Variants in SDK2 observed in about 807,000 individuals in gnomAD.
SDK2 encodes the protein sidekick cell adhesion molecule 2.
Under a neutral mutation model 253.9 loss-of-function variants are expected in SDK2, and 105 were observed. The observed-to-expected ratio is 0.41, with a 90% CI of 0.35 to 0.49. SDK2 has a LOEUF of 0.49. Among genes scored for constraint, SDK2 ranks in the 20% least tolerant of loss-of-function variants. SDK2 has a pLI of 0.06. For missense variants in SDK2, 2,608 were observed against 3,003.0 expected, an observed-to-expected ratio of 0.87 and a Z score of 3.07; for synonymous variants, 1,249 against 1,234.9, an observed-to-expected ratio of 1.01 and a Z score of -0.24.
rs2062851765 is a variant in SDK2, at chr17:73,383,912, T to C, written c.4669A>G (p.Ile1557Val). 1 of 1,613,952 alleles carries C rather than the reference T, an allele frequency of 6.2e-7. No individual in the cohort carries two copies. The highest frequency in any genetic ancestry group is 8.5e-7 in the Non-Finnish European group (1 of 1,179,886). Residue 1557 changes from isoleucine (I) to valine (V), a missense_variant, in exon 33 of 45, where the codon ATC becomes GTC. By Grantham distance (29) the Ile-to-Val change is conservative. Around this residue, in one of 2 missense-constraint regions of SDK2, gnomAD observed 1,103 missense variants for 1,143.9 expected, o/e 0.96. Coordinates refer to ENST00000392650, the MANE Select transcript of SDK2 (RefSeq NM_001144952.2). This position sits in a 1 kb window ranked among gnomAD's most constrained non-coding sequence, Gnocchi z 4.3. ...EGLRGFTLRG[I>V]NNPGATWAEL... ...GCCCATGTGGCCCCTGGGTTGTTGA[T>C]GCCTCGAAGCGTGAAGCCCCTCAGT...
At chr17:73,611,968 A>G (rs1424533367) in intron 1 of SDK2, among the ~76,000 whole-genome samples, 3 of 152,174 alleles carry the variant, frequency 2.0e-5, no homozygotes, top group Non-Finnish European at 4.4e-5. Flanking sequence ...TGATGGTCAC[A>G]GAGACTGTAA....
At chr17:73,421,440 A>G (rs1175528356) in intron 15 of SDK2, among the ~76,000 whole-genome samples, 1 of 152,160 alleles carries the variant, frequency 6.6e-6, no homozygotes, top group East Asian at 1.9e-4. Context: ...GACCTCTCCC[A>G]TGACATCTTT....
rs139053976 is a variant in SDK2, at chr17:73,379,981, C to T, written c.4763-432G>A. Among the ~76,000 whole-genome samples, 1 of 152,136 alleles carries T rather than the reference C, an allele frequency of 6.6e-6. No homozygotes were observed. The highest frequency in any genetic ancestry group is 1.9e-4 in the East Asian group (1 of 5,154). On this transcript the variant is annotated intron_variant, in intron 34 of 44. Transcript: ENST00000392650. The surrounding 1 kb of genome is among the most constrained non-coding windows in gnomAD (Gnocchi z 4.5). Reference sequence around the variant, plus strand: ...CTCTTTACACAGCGGGGCTCAGCTCCAGGGGGGAGGGGCGCATTGGATGTG... The same window carrying T: ...CTCTTTACACAGCGGGGCTCAGCTCTAGGGGGGAGGGGCGCATTGGATGTG...
chr17:73,504,502 G>T (rs1441221534), intron 2 of SDK2: 1 of 151,536 alleles, frequency 6.6e-6, no homozygotes, highest in Non-Finnish European at 1.5e-5. Context: ...CATGGTGTCG[G>T]GCGCCTGTAG....
intron 1 of SDK2, among the ~76,000 whole-genome samples, chr17:73,576,749 T>C (rs1038737072): frequency 6.6e-6 from 1 of 152,220 alleles, no homozygotes; most frequent in Non-Finnish European, 1.5e-5. Flanking sequence ...CCAGTAGGAC[T>C]TGGCCAAGCT....
rs754491697 is a variant in SDK2, at chr17:73,338,624, G to C, written c.6482C>G (p.Ser2161Cys). 6.5e-7 allele frequency: 1 copy of C among 1,530,772 alleles called. No homozygotes were observed. Among genetic ancestry groups the C allele is most frequent in the African/African-American group, 1.4e-5 (1 of 72,044 alleles). The allele number at this position is 1,530,772 out of a possible 1,614,324, so 94.8% of individuals were successfully genotyped here. Residue 2161 changes from serine to cysteine, a missense_variant, in exon 45 of 45, where the codon TCC (serine) becomes TGC (cysteine). By Grantham distance (112) the Ser-to-Cys change is moderately radical (BLOSUM62 -1). This residue lies in a region of SDK2 where 1,103 missense variants were observed against 1,143.9 expected (regional missense o/e 0.96). Coordinates refer to ENST00000392650, the MANE Select transcript of SDK2 (RefSeq NM_001144952.2). The surrounding 1 kb of genome is among the most constrained non-coding windows in gnomAD (Gnocchi z 5.0). ...YRPPSSLAPG[S>C]RAPIAGFSSF... ...TGAAAATCCTGCTATGGGAGCCCGG[G>C]AGCCTGGGGCCAGGCTGCTGGGGGG...
chr17:73,425,297 AAAAAG>A (rs1487032432), intron 12 of SDK2, among the ~76,000 whole-genome samples: 1 of 152,198 alleles, frequency 6.6e-6, no homozygotes, highest in African/African-American at 2.4e-5. Context: ...AGAAAAATAA[AAAAAG>A]AAAGGAAAAG....
intron 4 of SDK2, among the ~76,000 whole-genome samples, chr17:73,451,769 C>T (rs540864679): frequency 6.6e-6 from 1 of 152,158 alleles, no homozygotes; most frequent in South Asian, 2.1e-4. Context: ...ATGTCCATCT[C>T]GTTGATAGAC....
chr17:73,398,806 T>C (rs957887279), intron 22 of SDK2, among the ~76,000 whole-genome samples: 6 of 152,102 alleles, frequency 3.9e-5, no homozygotes, highest in Admixed American at 6.5e-5. Context: ...GCCCCTCAAA[T>C]CAGCTAAATC....
At chr17:73,585,964 T>C (rs1333335614) in intron 1 of SDK2, among the ~76,000 whole-genome samples, 3 of 152,004 alleles carry the variant, frequency 2.0e-5, no homozygotes, top group Non-Finnish European at 2.9e-5. Context: ...GAAATATATA[T>C]ATAGGATGTA....
chr17:73,546,445 CAGG>C (rs2145829937), intron 1 of SDK2, among the ~76,000 whole-genome samples: 1 of 152,344 alleles, frequency 6.6e-6, no homozygotes, highest in Non-Finnish European at 1.5e-5. Flanking sequence ...GCAGAGAAAG[CAGG>C]AGAATGTGGA....
At chr17:73,493,376 A>C in intron 2 of SDK2, among the ~76,000 whole-genome samples, 1 of 152,214 alleles carries the variant, frequency 6.6e-6, no homozygotes, top group Non-Finnish European at 1.5e-5. Flanking sequence ...TGTGCGGCAC[A>C]TTGGAGAGTC....
intron 2 of SDK2, among the ~76,000 whole-genome samples, chr17:73,501,384 G>A (rs1173694211): frequency 1.3e-5 from 2 of 152,208 alleles, no homozygotes; most frequent in Non-Finnish European, 2.9e-5. Context: ...GGGAAGCTGC[G>A]TGCCTGTTCC....
chr17:73,643,957 T>TGCCCCCCCCCCCCCCC lies in SDK2; in HGVS notation c.64+67_64+68insGGGGGGGGGGGGGGGC. On this transcript the variant is annotated intron_variant, in intron 1 of 44. Transcript: ENST00000392650. This position sits in a 1 kb window ranked among gnomAD's most constrained non-coding sequence, Gnocchi z 6.9. ...GGAGGTCACCGTGAGGCCGGCCAGC[T>TGCCCCCCCCCCCCCCC]CCCGCCGCCCCTCCCCCGCCCACTC... is the stretch of plus-strand genomic sequence containing the variant. 3.9e-6 allele frequency: 4 copies of TGCCCCCCCCCCCCCCC among 1,019,980 alleles called. No homozygotes were observed. The highest frequency in any genetic ancestry group is 4.1e-5 in the Admixed American group (2 of 48,756). 63.2% of individuals were successfully genotyped at this position (1,019,980 alleles called of 1,614,324 possible).
intron 2 of SDK2, among the ~76,000 whole-genome samples, chr17:73,498,524 T>C (rs2063861471): frequency 6.6e-6 from 1 of 152,316 alleles, no homozygotes; most frequent in African/African-American, 2.4e-5. Context: ...AGTCCTTGCC[T>C]GATGAATGAA....
rs139580205 is a variant in SDK2 at position 73,423,979 on chromosome 17, G to A, written c.1697C>T (p.Thr566Met). Residue 566 changes from threonine (T) to methionine (M), a missense_variant, in exon 13 of 45, where the codon ACG (threonine) becomes ATG (methionine). Around this residue, in one of 2 missense-constraint regions of SDK2, gnomAD observed 1,505 missense variants for 1,859.1 expected, o/e 0.81. Transcript: ENST00000392650. The part of the protein sequence containing the change: ...ISQTWSGDIG[T>M]YTCRVISAGG... ...TGCTGAGATCACCCGGCAGGTGTAC[G>A]TGCCGATGTCTCCCGACCACGTCTG... 12 of 1,608,568 alleles carry A rather than the reference G, an allele frequency of 7.5e-6. No homozygotes were observed. Among genetic ancestry groups the A allele is most frequent in the South Asian group, 5.6e-5 (5 of 89,940 alleles).
chr17:73,644,337 G>C lies in SDK2; in HGVS notation c.-249C>G, dbSNP rs2046437016. Among the ~76,000 whole-genome samples, 1 of 152,174 alleles carries C rather than the reference G, an allele frequency of 6.6e-6. No individual in the cohort carries two copies. Among genetic ancestry groups the C allele is most frequent in the African/African-American group, 2.4e-5 (1 of 41,460 alleles). ...GGGCGAGCAGGGAGAAAGAGGCCAG[G>C]CCGCCCTCTCGGACTAGGGCGCCTC... On this transcript the variant is annotated 5_prime_UTR_variant, in exon 1 of 45. Transcript: ENST00000392650. The surrounding 1 kb of genome is among the most constrained non-coding windows in gnomAD (Gnocchi z 6.3).
chr17:73,438,308 G>C (rs555704320), intron 6 of SDK2, among the ~76,000 whole-genome samples, 154 bp from the exon 7 acceptor site: 1 of 152,306 alleles, frequency 6.6e-6, no homozygotes, highest in African/African-American at 2.4e-5. Context: ...TCTTGGGCAA[G>C]TTCCCACAGG....
intron 1 of SDK2, among the ~76,000 whole-genome samples, chr17:73,627,893 CA>C (rs372131098): frequency 1.3e-5 from 2 of 151,096 alleles, no homozygotes; most frequent in African/African-American, 2.4e-5. Flanking sequence ...ACTACAAATA[CA>C]AAAAAAAATT....
Sources: gnomAD v4.1 joint callset for allele counts (sites outside exome capture counted in the v4.1 genomes callset) on GRCh38, gnomAD v4.1.1 for gene constraint, gnomAD v4.1.1 regional missense constraint, Gnocchi (gnomAD v3.1) non-coding constraint, MANE v1.5 for transcripts, NCBI Gene and HGNC (gene_info 2026-07-23, HGNC 2026-07-21) for gene names.